The following AGPAT3 variants were observed in gnomAD, a reference collection of about 807,000 sequenced individuals.
The protein encoded by AGPAT3 is 1-acylglycerol-3-phosphate O-acyltransferase 3.
A neutral mutation model predicts 47.3 loss-of-function variants in AGPAT3; 5 were observed. The ratio of observed to expected loss-of-function variants is 0.11; its 90% confidence interval spans 0.06 to 0.22. AGPAT3 has a LOEUF of 0.22. Among genes scored for constraint, AGPAT3 ranks in the 10% least tolerant of loss-of-function variants. The pLI is 1.00. For missense variants in AGPAT3, 315 were observed against 493.0 expected (o/e 0.64, Z 3.42); for synonymous variants, 212 against 208.3 (o/e 1.02, Z -0.15).
chr21:43,965,996 G>C (rs1273928327), intron 3 of AGPAT3: 2 of 152,200 alleles, frequency 1.3e-5, no homozygotes, highest in African/African-American at 4.8e-5. Context: ...GCATGTATTT[G>C]AGTGAAGGAA....
chr21:43,943,086 G>C (rs549216994), intron 2 of AGPAT3, among the ~76,000 whole-genome samples: 1 of 151,746 alleles, frequency 6.6e-6, no homozygotes, highest in African/African-American at 2.4e-5. Flanking sequence ...TTTTTTTGGT[G>C]GGGGGCGGGA....
chr21:43,959,562 G>T, intron 2 of AGPAT3, 72 bp from the exon 3 acceptor site: 2 of 1,388,832 alleles, frequency 1.4e-6, no homozygotes, highest in Non-Finnish European at 2.0e-6. Flanking sequence ...TGTGCAGTGA[G>T]CAGTGCCCCG....
At chr21:43,976,444 T>G (rs1391067877) in intron 7 of AGPAT3, among the ~76,000 whole-genome samples, 4 of 152,218 alleles carry the variant, frequency 2.6e-5, no homozygotes, top group African/African-American at 4.8e-5. Flanking sequence ...GTGGTCTGCC[T>G]GCCCCTCGGC....
At chr21:43,975,195 C>CGTGTGGTGTGTTCTGGTGTGTGCTGGT (rs1569106520) in intron 7 of AGPAT3, among the ~76,000 whole-genome samples, 6 of 146,398 alleles carry the variant, frequency 4.1e-5, no homozygotes, top group Non-Finnish European at 6.0e-5. Flanking sequence ...CATGTGCTAA[C>CGTGTGGTGTGTTCTGGTGTGTGCTGGT]GTGTGGTGTG....
chr21:43,939,746 C>T lies in AGPAT3; in HGVS notation c.-48-19888C>T, dbSNP rs1321473594. 1.3e-5 allele frequency among the ~76,000 whole-genome samples: 2 copies of T among 152,198 alleles called. No homozygotes were observed. Among genetic ancestry groups the T allele is most frequent in the Non-Finnish European group, 1.5e-5 (1 of 68,032 alleles). On this transcript the variant is annotated intron_variant, in intron 2 of 9. Coordinates refer to ENST00000291572, the MANE Select transcript of AGPAT3 (RefSeq NM_020132.5). This position sits in a 1 kb window ranked among gnomAD's most constrained non-coding sequence, Gnocchi z 4.4. The stretch of plus-strand genomic sequence containing the variant: ...TAGACCTCACCAACTCACCCACAAC[C>T]TGGCCCCTTGACACACTGGTGCTGT...
intron 1 of AGPAT3, among the ~76,000 whole-genome samples, chr21:43,873,005 C>T (rs185640302): frequency 1.1e-4 from 16 of 152,324 alleles, no homozygotes; most frequent in East Asian, 7.7e-4. Flanking sequence ...GCCGGGACGG[C>T]GAAACTTAAA....
chr21:43,970,614 C>T lies in AGPAT3; in HGVS notation c.511-39C>T, dbSNP rs771701860. 28 of 1,607,396 alleles carry T rather than the reference C, an allele frequency of 1.7e-5. No homozygotes were observed. The Admixed American group carries it at 4.7e-4, about 27-fold the overall frequency. The stretch of plus-strand genomic sequence containing the variant: ...TGGCCTGGACATGCACCCACCCCAG[C>T]TGCTCTGTGGAGTGACCCTGTCTCC... On this transcript the variant is annotated intron_variant, in intron 5 of 9. Transcript: ENST00000291572. The surrounding 1 kb of genome is among the most constrained non-coding windows in gnomAD (Gnocchi z 5.8).
In AGPAT3 at chr21:43,981,383, C is replaced by A; in HGVS notation, c.1042+196C>A. 2 of 647,828 alleles carry A rather than the reference C, an allele frequency of 3.1e-6. No individual in the cohort carries two copies. Among genetic ancestry groups the A allele is most frequent in the Non-Finnish European group, 5.3e-6 (2 of 380,238 alleles). The allele number at this position is 647,828 out of a possible 1,614,324, so 40.1% of individuals were successfully genotyped here. A position where few individuals can be genotyped will look rare whatever the true frequency, so the allele number is the denominator to read the frequency against. ...TTGCACTGAGCTGAGGGTCGCCTCC[C>A]CAGAGAGCCGAACGGCCGCCACCTG... On this transcript the variant is annotated intron_variant, in intron 9 of 9. Coordinates refer to ENST00000291572, the MANE Select transcript of AGPAT3 (RefSeq NM_020132.5). The surrounding 1 kb of genome is among the most constrained non-coding windows in gnomAD (Gnocchi z 5.3).
intron 1 of AGPAT3, among the ~76,000 whole-genome samples, chr21:43,872,489 G>GT (rs1392891800): frequency 6.6e-6 from 1 of 152,158 alleles, no homozygotes; most frequent in Non-Finnish European, 1.5e-5. Flanking sequence ...CGTAAATGGT[G>GT]TTTTTTATTT....
At chr21:43,881,230 A>G (rs562917558) in intron 1 of AGPAT3, among the ~76,000 whole-genome samples, 8 of 152,222 alleles carry the variant, frequency 5.3e-5, no homozygotes, top group African/African-American at 9.6e-5. Context: ...GAGTGGGTCA[A>G]TTTTTTCTTA....
intron 2 of AGPAT3, among the ~76,000 whole-genome samples, chr21:43,938,138 ACACT>A (rs1433100054): frequency 1.4e-5 from 2 of 145,782 alleles, no homozygotes; most frequent in Non-Finnish European, 3.1e-5. Context: ...ACACACACAC[ACACT>A]CACACTCACT....
rs753271549 is a variant in AGPAT3 at position 43,971,459 on chromosome 21, G to A, written c.736G>A (p.Gly246Arg). The A allele has an allele frequency of 5.0e-6, 8 of 1,614,082 alleles. No homozygotes were observed. The highest frequency in any genetic ancestry group is 1.3e-5 in the African/African-American group (1 of 74,922). Residue 246 changes from glycine (G) to arginine (R), a missense_variant, in exon 7 of 10, where the codon GGG becomes AGG. Gly to Arg is a moderately radical substitution (Grantham distance 125). Coordinates refer to ENST00000291572, the MANE Select transcript of AGPAT3 (RefSeq NM_020132.5). Reference sequence around the variant, plus strand: ...CCCGTCCCTGCTGGGGATCCTCTACGGGAAGAAGTACGAGGCGGACATGTG... The same window carrying A: ...CCCGTCCCTGCTGGGGATCCTCTACAGGAAGAAGTACGAGGCGGACATGTG... ...KNPSLLGILY[G>R]KKYEADMCVR...
rs999664151 is a variant in AGPAT3, at chr21:43,986,684, C to G, written c.*4292C>G. The G allele has an allele frequency of 1.3e-5, 2 of 152,580 alleles. No individual in the cohort carries two copies. Among genetic ancestry groups the G allele is most frequent in the African/African-American group, 4.8e-5 (2 of 41,454 alleles). The allele number at this position is 152,580 out of a possible 1,614,324, so 9.5% of individuals were successfully genotyped here. A position where few individuals can be genotyped will look rare whatever the true frequency, so the allele number is the denominator to read the frequency against. On this transcript the variant is annotated 3_prime_UTR_variant, in exon 10 of 10. Transcript: ENST00000291572. ...ACTGTAACTGTAAAGGAAAATCTCTCTCTCTGGAGAACCCACACAAACCAT... is the reference window on the plus strand; with the variant it reads ...ACTGTAACTGTAAAGGAAAATCTCTGTCTCTGGAGAACCCACACAAACCAT...
In AGPAT3 at chr21:43,955,380, C is replaced by T. The variant is rs1445240802; in HGVS notation, c.-48-4254C>T. The T allele has an allele frequency of 5.3e-5, 17 of 319,358 alleles. No individual in the cohort carries two copies. In the East Asian group the frequency reaches 1.7e-3, roughly 32 times the overall value. The allele number at this position is 319,358 out of a possible 1,614,324, so 19.8% of individuals were successfully genotyped here. A position where few individuals can be genotyped will look rare whatever the true frequency, so the allele number is the denominator to read the frequency against. On this transcript the variant is annotated intron_variant, in intron 2 of 9. Coordinates refer to ENST00000291572, the MANE Select transcript of AGPAT3 (RefSeq NM_020132.5). The surrounding 1 kb of genome is among the most constrained non-coding windows in gnomAD (Gnocchi z 4.1). ...TTGTCAACACCCATAACGCTATGCA[C>T]GGACACTCGGCAAACCCATCTTAAT...
In AGPAT3 at chr21:43,967,931, T is replaced by C; in HGVS notation, c.179-15T>C. ...AGGGGTCCTACCAGTGCCAACGCCC[T>C]CCCCCTGTCCGCAGAACTGGTCATG... On this transcript the variant is annotated splice_polypyrimidine_tract_variant and intron_variant, in intron 3 of 9. Transcript: ENST00000291572. 1 of 1,611,022 alleles carries C rather than the reference T, an allele frequency of 6.2e-7. No individual in the cohort carries two copies. The highest frequency in any genetic ancestry group is 8.5e-7 in the Non-Finnish European group (1 of 1,178,090).
At chr21:43,972,002 C>T (rs1245143557) in intron 7 of AGPAT3, among the ~76,000 whole-genome samples, 1 of 152,144 alleles carries the variant, frequency 6.6e-6, no homozygotes, top group Non-Finnish European at 1.5e-5. Flanking sequence ...GTGGGCAGGA[C>T]GGGACCACCT....
chr21:43,954,337 C>G lies in AGPAT3; in HGVS notation c.-48-5297C>G, dbSNP rs926437190. ...GGTGTGGGGAGGTGGAACAGGGTAC[C>G]TGCGAGGTCTGTGAGTGAAACTACA... On this transcript the variant is annotated intron_variant, in intron 2 of 9. Transcript: ENST00000291572. This position sits in a 1 kb window ranked among gnomAD's most constrained non-coding sequence, Gnocchi z 4.0. Among the ~76,000 whole-genome samples, 2 of 152,160 alleles carry G rather than the reference C, an allele frequency of 1.3e-5. No individual in the cohort carries two copies. Among genetic ancestry groups the G allele is most frequent in the Admixed American group, 1.3e-4 (2 of 15,276 alleles).
chr21:43,921,752 T>C (rs2086898217), intron 2 of AGPAT3, among the ~76,000 whole-genome samples: 1 of 152,218 alleles, frequency 6.6e-6, no homozygotes, highest in Non-Finnish European at 1.5e-5. Context: ...GGTTCTTTTG[T>C]TAATCAGTAA....
At chr21:43,938,376 G>A (rs1436115532) in intron 2 of AGPAT3, among the ~76,000 whole-genome samples, 1 of 143,232 alleles carries the variant, frequency 7.0e-6, no homozygotes, top group East Asian at 2.0e-4. Context: ...CCAGGCTGGA[G>A]TGCTCACTGT....
Sources: gnomAD v4.1 joint callset for allele counts (sites outside exome capture counted in the v4.1 genomes callset) on GRCh38, gnomAD v4.1.1 for gene constraint, Gnocchi (gnomAD v3.1) non-coding constraint, MANE v1.5 for transcripts, NCBI Gene and HGNC (gene_info 2026-07-23, HGNC 2026-07-21) for gene names.